BICD1: variants seen among roughly 807,000 people sequenced by gnomAD.
BICD1 encodes the protein BICD cargo adaptor 1.
A neutral mutation model predicts 92.5 loss-of-function variants in BICD1; 35 were observed. The observed-to-expected ratio is 0.38, with a 90% confidence interval of 0.29 to 0.50. The LOEUF is 0.50. BICD1 is among the 20% of genes least tolerant of loss of function. The pLI is 0.93. For missense variants in BICD1, 950 were observed against 1,189.8 expected (o/e 0.80, Z 2.97); for synonymous variants, 429 against 465.1 (o/e 0.92, Z 1.00).
intron 1 of BICD1, among the ~76,000 whole-genome samples, chr12:32,131,080 C>A (rs1942530017): frequency 6.6e-6 from 1 of 152,080 alleles, no homozygotes; most frequent in Non-Finnish European, 1.5e-5. Context: ...GGTGATCTGC[C>A]CGCCTCAGCC....
chr12:32,184,290 A>G (rs1944365938), intron 1 of BICD1, among the ~76,000 whole-genome samples: 1 of 152,036 alleles, frequency 6.6e-6, no homozygotes, highest in Admixed American at 6.6e-5. Flanking sequence ...TATGGAAAAT[A>G]ATTGTTTTCT....
At chr12:32,304,892 G>A (rs1948170588) in intron 3 of BICD1, among the ~76,000 whole-genome samples, 2 of 152,134 alleles carry the variant, frequency 1.3e-5, no homozygotes, top group East Asian at 1.9e-4. Flanking sequence ...AGCCAGGTAT[G>A]GTGGCACATG....
chr12:32,136,066 A>G (rs1366796015), intron 1 of BICD1, among the ~76,000 whole-genome samples: 1 of 152,240 alleles, frequency 6.6e-6, no homozygotes. Flanking sequence ...TCCAAAGTAC[A>G]CATTCTTTAG....
chr12:32,370,252 A>G (rs750632294), intron 9 of BICD1, among the ~76,000 whole-genome samples: 46 of 152,016 alleles, frequency 3.0e-4, no homozygotes, highest in Non-Finnish European at 5.7e-4. Context: ...CTGTAATCTC[A>G]GGTTCTCGGG....
At chr12:32,344,485 G>A (rs1216042461) in intron 8 of BICD1, among the ~76,000 whole-genome samples, 1 of 152,214 alleles carries the variant, frequency 6.6e-6, no homozygotes, top group African/African-American at 2.4e-5. Flanking sequence ...ACAAGGTGGA[G>A]AGTGGATTAG....
intron 1 of BICD1, among the ~76,000 whole-genome samples, chr12:32,202,306 T>C (rs1015230358): frequency 6.6e-6 from 1 of 152,168 alleles, no homozygotes; most frequent in African/African-American, 2.4e-5. Flanking sequence ...AGGGGCCCAG[T>C]AGGCAATTGT....
intron 1 of BICD1, among the ~76,000 whole-genome samples, chr12:32,177,494 A>T (rs1007291186): frequency 7.3e-5 from 11 of 150,526 alleles, no homozygotes; most frequent in Non-Finnish European, 1.5e-4. Context: ...ATATAGTATA[A>T]TCCAAATTTT....
chr12:32,339,530 G>A (rs1425038699), intron 8 of BICD1: 4 of 985,214 alleles, frequency 4.1e-6, no homozygotes, highest in Admixed American at 6.2e-5. Context: ...CCCCCCACTG[G>A]TTAATGCTTA....
chr12:32,256,238 CG>C (rs1485928141), intron 2 of BICD1, among the ~76,000 whole-genome samples: 3 of 151,980 alleles, frequency 2.0e-5, no homozygotes, highest in Admixed American at 6.6e-5. Context: ...TTTTTTGAGA[CG>C]GGTTTTTGCT....
At chr12:32,336,168 CAG>C (rs1938112934) in intron 6 of BICD1, among the ~76,000 whole-genome samples, 1 of 152,174 alleles carries the variant, frequency 6.6e-6, no homozygotes, top group Non-Finnish European at 1.5e-5. Flanking sequence ...TCTATTTTCA[CAG>C]ACTTTTTTTT....
At position 32,295,076 on chromosome 12, in the gene BICD1, C is replaced by T. The variant is rs542490940; in HGVS notation, c.579+930C>T. On this transcript the variant is annotated intron_variant, in intron 3 of 9. Transcript: ENST00000652176. ...CAGCCTGGGTGACAGAGTGAGATTC[C>T]GTCTCGAAAAAAAAAAAAAAAAAGA... Among the ~76,000 whole-genome samples, 19 of 101,294 alleles carry T rather than the reference C, an allele frequency of 1.9e-4. No homozygotes were observed. In the East Asian group the frequency reaches 4.5e-3, roughly 24 times the overall value. 66.5% of individuals were successfully genotyped at this position (101,294 alleles called of 152,430 possible).
intron 9 of BICD1, among the ~76,000 whole-genome samples, chr12:32,369,835 G>A (rs1939664323): frequency 6.6e-6 from 1 of 152,042 alleles, no homozygotes; most frequent in Admixed American, 6.5e-5. Context: ...GAGCTCGGGA[G>A]GTCAAGACTG....
chr12:32,273,231 T>C (rs1372855286), intron 2 of BICD1, among the ~76,000 whole-genome samples: 2 of 152,232 alleles, frequency 1.3e-5, no homozygotes, highest in Non-Finnish European at 2.9e-5. Flanking sequence ...GAATTCATCA[T>C]TATTGCACTC....
intron 2 of BICD1, among the ~76,000 whole-genome samples, chr12:32,219,296 G>T (rs1159919460): frequency 2.6e-5 from 4 of 152,148 alleles, no homozygotes; most frequent in Non-Finnish European, 5.9e-5. Flanking sequence ...GGTGCATCGT[G>T]AAAGATTTAC....
intron 1 of BICD1, among the ~76,000 whole-genome samples, chr12:32,172,470 C>A (rs911286458): frequency 1.3e-5 from 2 of 152,158 alleles, no homozygotes; most frequent in African/African-American, 4.8e-5. Flanking sequence ...AGTAAGAGAT[C>A]CAGAATCTAG....
chr12:32,172,781 T>C (rs190512937), intron 1 of BICD1, among the ~76,000 whole-genome samples: 215 of 152,312 alleles, frequency 1.4e-3, no homozygotes, highest in Non-Finnish European at 2.6e-3. Context: ...GAACTGGGGA[T>C]CCACTGCTAA....
rs1943249446 is a variant in BICD1 at position 32,150,202 on chromosome 12, CA to C, written c.213+42660del. Reference sequence around the variant, plus strand: ...CATGGGAATTATGGGAGCTACAATTCAAGATGAGATTTGGGTGGGGACACAG... The same window carrying C: ...CATGGGAATTATGGGAGCTACAATTCAGATGAGATTTGGGTGGGGACACAG... On this transcript the variant is annotated intron_variant, in intron 1 of 9. Coordinates refer to ENST00000652176, the MANE Select transcript of BICD1 (RefSeq NM_001714.4). Among the ~76,000 whole-genome samples the C allele has an allele frequency of 2.6e-5, 4 of 152,304 alleles. No individual in the cohort carries two copies. In the South Asian group the frequency reaches 8.3e-4, roughly 32 times the overall value.
chr12:32,116,780 A>T (rs1374164793), intron 1 of BICD1, among the ~76,000 whole-genome samples: 1 of 150,574 alleles, frequency 6.6e-6, no homozygotes, highest in East Asian at 2.0e-4. Flanking sequence ...AGGTTTTGTT[A>T]TGTTGCTCAG....
intron 1 of BICD1, among the ~76,000 whole-genome samples, chr12:32,127,150 A>G (rs1408864205): frequency 1.3e-5 from 2 of 152,186 alleles, no homozygotes; most frequent in Non-Finnish European, 2.9e-5. Flanking sequence ...AGAGAAGTTT[A>G]TAATTTTAAT....
Sources: allele counts gnomAD v4.1 joint callset (sites outside exome capture counted in the v4.1 genomes callset), GRCh38; gene constraint gnomAD v4.1.1; transcripts MANE v1.5; gene names NCBI Gene and HGNC (gene_info 2026-07-23, HGNC 2026-07-21).